The following DYNC1I2 variants were observed in gnomAD, a reference collection of about 807,000 sequenced individuals.
The protein encoded by DYNC1I2 is dynein cytoplasmic 1 intermediate chain 2.
In DYNC1I2, 53 loss-of-function variants were observed where a neutral mutation model predicts 88.6. The ratio of observed to expected loss-of-function variants is 0.60; its 90% CI spans 0.48 to 0.75. The LOEUF is 0.75. Ranked by LOEUF, DYNC1I2 falls within the 30% of genes least tolerant of loss-of-function variation. DYNC1I2 has a pLI of 0.00. For missense variants in DYNC1I2, 458 were observed against 766.6 expected, an observed-to-expected ratio of 0.60 and a Z score of 4.75; for synonymous variants, 198 against 254.6, an observed-to-expected ratio of 0.78 and a Z score of 2.12.
In DYNC1I2 at chr2:171,704,122, T is replaced by C. The variant is rs200880064; in HGVS notation, c.227-2425T>C. Among the ~76,000 whole-genome samples, 27 of 152,310 alleles carry C rather than the reference T, an allele frequency of 1.8e-4. No homozygotes were observed. The East Asian group carries it at 5.0e-3, about 28-fold the overall frequency. On this transcript the variant is annotated intron_variant, in intron 3 of 17. Coordinates refer to ENST00000397119, the MANE Select transcript of DYNC1I2 (RefSeq NM_001378.3). Reference sequence around the variant, plus strand: ...ACCCAGACTTAATGCTAATTCTAAATCTAGGTGCATTCCCAGGTCCTTTGT... The same window carrying C: ...ACCCAGACTTAATGCTAATTCTAAACCTAGGTGCATTCCCAGGTCCTTTGT...
At position 171,749,942 on chromosome 2, in the gene DYNC1I2, T is replaced by A. The variant is rs1249598603; in HGVS notation, c.*2053T>A. On this transcript the variant is annotated 3_prime_UTR_variant, in exon 18 of 18. Coordinates refer to ENST00000397119, the MANE Select transcript of DYNC1I2 (RefSeq NM_001378.3). The stretch of plus-strand genomic sequence containing the variant: ...CTTTATACTTTTAGAACTAAAAGCC[T>A]TATAATTTTGAAAAATATCCAGTTA... Among the ~76,000 whole-genome samples, 2 of 152,220 alleles carry A rather than the reference T, an allele frequency of 1.3e-5. No homozygotes were observed. The highest frequency in any genetic ancestry group is 6.5e-5 in the Admixed American group (1 of 15,286).
intron 15 of DYNC1I2, among the ~76,000 whole-genome samples, chr2:171,731,972 T>G (rs1027961667): frequency 3.9e-5 from 6 of 152,176 alleles, no homozygotes; most frequent in African/African-American, 1.2e-4. Context: ...TAGGGTGTGC[T>G]CCTTACAATT....
chr2:171,723,326 A>C lies in DYNC1I2; in HGVS notation c.512-2292A>C, dbSNP rs145237286. 7.5e-4 allele frequency among the ~76,000 whole-genome samples: 114 copies of C among 152,328 alleles called. 2 individuals carry two copies. Among genetic ancestry groups the C allele is most frequent in the Non-Finnish European group, 1.4e-3 (96 of 68,022 alleles). On this transcript the variant is annotated intron_variant, in intron 7 of 17. Transcript: ENST00000397119. ...CAAAATTCCTATCTTTGATTTTAGG[A>C]TTTACATACAGTGAAACCTACTAGT...
At chr2:171,728,196 C>T (rs574165600) in intron 12 of DYNC1I2, 109 bp from the exon 13 acceptor site, 730 of 735,602 alleles carry the variant, frequency 9.9e-4, no homozygotes, top group Non-Finnish European at 1.4e-3. Context: ...ATTAAGAATA[C>T]CCACAAGTTA....
At chr2:171,717,364 C>A (rs1459675872) in intron 7 of DYNC1I2, among the ~76,000 whole-genome samples, 3 of 152,134 alleles carry the variant, frequency 2.0e-5, no homozygotes, top group Non-Finnish European at 4.4e-5. Flanking sequence ...ATCCACCCAC[C>A]TCGGCCTCCC....
intron 15 of DYNC1I2, among the ~76,000 whole-genome samples, chr2:171,737,363 G>C (rs962999657): frequency 6.6e-6 from 1 of 152,072 alleles, no homozygotes; most frequent in Non-Finnish European, 1.5e-5. Context: ...CAGATACCAG[G>C]TAGACACGAA....
intron 17 of DYNC1I2, among the ~76,000 whole-genome samples, chr2:171,746,680 C>T (rs1689803174): frequency 6.6e-6 from 1 of 152,190 alleles, no homozygotes; most frequent in South Asian, 2.1e-4. Context: ...CTTCTAGCCA[C>T]ATATGGCTAT....
chr2:171,725,969 G>C lies in DYNC1I2; in HGVS notation c.658G>C (p.Glu220Gln). 6.3e-7 allele frequency: 1 copy of C among 1,593,014 alleles called. No homozygotes were observed. Among genetic ancestry groups the C allele is most frequent in the Middle Eastern group, 1.7e-4 (1 of 5,932 alleles). The change falls in exon 9 of 18, where the codon GAG becomes CAG. Residue 220 changes from glutamate (E) to glutamine (Q), a missense_variant. Around this residue, in one of 5 missense-constraint regions of DYNC1I2, gnomAD observed 203 missense variants for 354.2 expected, o/e 0.57. Coordinates refer to ENST00000397119, the MANE Select transcript of DYNC1I2 (RefSeq NM_001378.3). ...AGAAAAGCAACAAATCTTGCACTCTGAGGAATTTTTAAGTTTCTTTGACCA... is the reference window on the plus strand; with the variant it reads ...AGAAAAGCAACAAATCTTGCACTCTCAGGAATTTTTAAGTTTCTTTGACCA... ...EEEKQQILHS[E>Q]EFLSFFDHST...
chr2:171,726,344 TAGC>T, intron 10 of DYNC1I2, 51 bp downstream of exon 10: 3 of 1,224,180 alleles, frequency 2.5e-6, no homozygotes, highest in Non-Finnish European at 2.3e-6. Context: ...AAATTATAAT[TAGC>T]AGGTCATTTT....
intron 2 of DYNC1I2, among the ~76,000 whole-genome samples, chr2:171,691,619 C>A (rs1685412337): frequency 6.6e-6 from 1 of 152,196 alleles, no homozygotes; most frequent in South Asian, 2.1e-4. Flanking sequence ...TGGAGCTTTA[C>A]ATTAGCTATT....
chr2:171,692,953 C>T, intron 3 of DYNC1I2, 59 bp downstream of exon 3: 1 of 1,197,494 alleles, frequency 8.4e-7, no homozygotes, highest in Non-Finnish European at 1.2e-6. Context: ...TCAGCTCAGA[C>T]ATAGCTGAGT....
In DYNC1I2 at chr2:171,728,085, C is replaced by T. The variant is rs576462677; in HGVS notation, c.1143+118C>T. The T allele has an allele frequency of 4.1e-6, 5 of 1,228,644 alleles. No homozygotes were observed. The African/African-American group carries it at 4.6e-5, about 11-fold the overall frequency. 76.1% of individuals were successfully genotyped at this position (1,228,644 alleles called of 1,614,324 possible). ...TGCTTCCTTTGGTGTATGAATTCCT[C>T]ACCATTTAGCAACCAAGAATGAAGG... On this transcript the variant is annotated intron_variant, in intron 12 of 17. Coordinates refer to ENST00000397119, the MANE Select transcript of DYNC1I2 (RefSeq NM_001378.3).
intron 12 of DYNC1I2, among the ~76,000 whole-genome samples, 158 bp downstream of exon 12, chr2:171,728,125 G>A (rs1306104683): frequency 2.0e-5 from 3 of 147,564 alleles, no homozygotes; most frequent in African/African-American, 7.5e-5. Flanking sequence ...TTTTTTTTTT[G>A]GAGATTTATT....
chr2:171,745,438 G>A (rs1307719199), intron 16 of DYNC1I2, among the ~76,000 whole-genome samples: 2 of 152,144 alleles, frequency 1.3e-5, no homozygotes, highest in African/African-American at 2.4e-5. Context: ...TGCTTATGAG[G>A]GCTTTTGAAG....
At chr2:171,707,169 G>T in intron 4 of DYNC1I2, 118 bp from the exon 5 acceptor site, 5 of 1,450,290 alleles carry the variant, frequency 3.4e-6, no homozygotes, top group African/African-American at 1.4e-5. Flanking sequence ...TTGATTTTTG[G>T]TTTGCCATTG....
chr2:171,712,117 TC>T (rs1310658185), intron 5 of DYNC1I2, among the ~76,000 whole-genome samples: 1 of 152,234 alleles, frequency 6.6e-6, no homozygotes, highest in Non-Finnish European at 1.5e-5. Context: ...TCTATTTTTT[TC>T]CTAGAGACAG....
intron 15 of DYNC1I2, among the ~76,000 whole-genome samples, chr2:171,733,535 T>C (rs547506834): frequency 1.6e-3 from 235 of 146,764 alleles, no homozygotes; most frequent in Non-Finnish European, 2.6e-3. Context: ...TGGTATCTCA[T>C]TGTGGTTTTG....
chr2:171,711,501 A>C (rs558131574), intron 5 of DYNC1I2, among the ~76,000 whole-genome samples: 2 of 152,354 alleles, frequency 1.3e-5, no homozygotes, highest in African/African-American at 4.8e-5. Flanking sequence ...TATGTCATTG[A>C]TAACAGAGCT....
At chr2:171,744,301 A>G (rs1689642439) in intron 16 of DYNC1I2, 112 bp downstream of exon 16, 1 of 1,147,312 alleles carries the variant, frequency 8.7e-7, no homozygotes, top group Admixed American at 3.0e-5. Context: ...CTGTGATTGT[A>G]GATTCATCAC....
Sources: gnomAD v4.1 joint callset for allele counts (sites outside exome capture counted in the v4.1 genomes callset) on GRCh38, gnomAD v4.1.1 for gene constraint, gnomAD v4.1.1 regional missense constraint, MANE v1.5 for transcripts, NCBI Gene and HGNC (gene_info 2026-07-23, HGNC 2026-07-21) for gene names.